The following EFCAB5 variants were observed in gnomAD, a reference collection of about 807,000 sequenced individuals.
EFCAB5 encodes EF-hand calcium binding domain 5.
A neutral mutation model predicts 167.9 loss-of-function variants in EFCAB5; 131 were observed. That is an observed-to-expected ratio of 0.78 (90% CI 0.68 to 0.90). The LOEUF (loss-of-function observed/expected upper bound fraction) is 0.90. EFCAB5 is among the 40% of genes least tolerant of loss of function. The pLI, the probability that EFCAB5 is intolerant of heterozygous loss-of-function variation, is 0.00. For synonymous variants in EFCAB5, 574 were observed against 602.8 expected, an observed-to-expected ratio of 0.95 and a Z score of 0.70; for missense variants, 1,663 against 1,745.2, an observed-to-expected ratio of 0.95 and a Z score of 0.84.
chr17:30,007,516 A>T (rs1567710460), intron 7 of EFCAB5, among the ~76,000 whole-genome samples: 1 of 152,228 alleles, frequency 6.6e-6, no homozygotes, highest in Non-Finnish European at 1.5e-5. Context: ...TATTGTAAAA[A>T]TGAACCCCTC....
At chr17:29,938,565 T>G (rs2067264377), upstream of EFCAB5, among the ~76,000 whole-genome samples, 3 of 152,246 alleles carry the variant, frequency 2.0e-5, no homozygotes, top group South Asian at 6.2e-4. Context: ...TCTTTCAAAA[T>G]TAGTCAGTCC....
In EFCAB5 at chr17:30,053,808, A is replaced by G; in HGVS notation, c.1854A>G (p.Arg618=). The part of the protein sequence containing the change: ...SRRESIAEQD[R]HKGSVAEQGS... ...GAGAGTCTATTGCAGAACAAGATCGACACAAAGGGTCAGTAGCAGAACAAG... is the reference window on the plus strand; with the variant it reads ...GAGAGTCTATTGCAGAACAAGATCGGCACAAAGGGTCAGTAGCAGAACAAG... The change falls in exon 10 of 23, where the codon CGA becomes CGG. Residue 618 remains arginine (R), a synonymous_variant. Transcript: ENST00000394835. The G allele has an allele frequency of 1.2e-6, 2 of 1,613,988 alleles. No homozygotes were observed. Among genetic ancestry groups the G allele is most frequent in the Non-Finnish European group, 1.7e-6 (2 of 1,179,872 alleles).
Position 30,086,077 on chromosome 17 carries a change from C to T in EFCAB5, c.3580-986C>T, listed in dbSNP as rs1201427463. ...GTGACATGATCAGAGCTCACAGTAA[C>T]CTTGAACTCCGAGACTCAAGCGATC... On this transcript the variant is annotated intron_variant, in intron 18 of 22. Coordinates refer to ENST00000394835, the MANE Select transcript of EFCAB5 (RefSeq NM_198529.4). Among the ~76,000 whole-genome samples, 3 of 152,100 alleles carry T rather than the reference C, an allele frequency of 2.0e-5. No individual in the cohort carries two copies. The East Asian group carries it at 5.8e-4, about 29-fold the overall frequency.
At chr17:30,067,963 A>G (rs900743645) in intron 14 of EFCAB5, among the ~76,000 whole-genome samples, 1 of 152,238 alleles carries the variant, frequency 6.6e-6, no homozygotes, top group Non-Finnish European at 1.5e-5. Context: ...AAAAATTATT[A>G]AAACGGATAA....
intron 14 of EFCAB5, among the ~76,000 whole-genome samples, chr17:30,072,133 CT>C (rs942157931): frequency 1.3e-5 from 2 of 152,038 alleles, no homozygotes; most frequent in Non-Finnish European, 2.9e-5. Context: ...TTTCAAATAG[CT>C]AAAAGAGCAG....
chr17:29,971,537 G>A (rs1345943147), intron 4 of EFCAB5, among the ~76,000 whole-genome samples: 1 of 152,100 alleles, frequency 6.6e-6, no homozygotes, highest in African/African-American at 2.4e-5. Context: ...ATCTCAATGG[G>A]AAAATGTACC....
intron 22 of EFCAB5, among the ~76,000 whole-genome samples, chr17:30,096,524 G>C (rs2071289206): frequency 6.6e-6 from 1 of 151,624 alleles, no homozygotes; most frequent in African/African-American, 2.4e-5. Context: ...CTGCACTCCA[G>C]CCTGGGCAAC....
chr17:29,976,789 C>A (rs2068071764), intron 4 of EFCAB5, among the ~76,000 whole-genome samples: 1 of 152,060 alleles, frequency 6.6e-6, no homozygotes, highest in Non-Finnish European at 1.5e-5. Flanking sequence ...CAGCTTGATC[C>A]AAAAAGCTTT....
Position 30,034,211 on chromosome 17 carries a change from T to TC in EFCAB5, c.1045-18dup. The TC allele has an allele frequency of 6.2e-7, 1 of 1,611,338 alleles. No individual in the cohort carries two copies. The highest frequency in any genetic ancestry group is 2.2e-5 in the East Asian group (1 of 44,798). On this transcript the variant is annotated intron_variant, in intron 7 of 22. Transcript: ENST00000394835. ...ATGGTTTTAAGTCAATCGTTTATCC[T>TC]CTTTTTTTTCCCCTGTAGTACATCT...
chr17:30,022,442 C>T (rs2069202751), intron 7 of EFCAB5, among the ~76,000 whole-genome samples: 1 of 152,076 alleles, frequency 6.6e-6, no homozygotes. Flanking sequence ...CACAAACACA[C>T]ACATATAATT....
intron 1 of EFCAB5, among the ~76,000 whole-genome samples, chr17:29,934,676 C>T (rs918118367): frequency 7.9e-5 from 12 of 152,118 alleles, no homozygotes; most frequent in African/African-American, 2.9e-4. Context: ...GTGTGTACTA[C>T]AATTGTCTTG....
At chr17:29,951,452 C>T (rs1597570321) in intron 3 of EFCAB5, among the ~76,000 whole-genome samples, 1 of 152,130 alleles carries the variant, frequency 6.6e-6, no homozygotes, top group South Asian at 2.1e-4. Flanking sequence ...ATTCTCCTGC[C>T]TCAGCCTCCC....
chr17:30,000,176 A>G (rs2068632444), intron 7 of EFCAB5, among the ~76,000 whole-genome samples, 200 bp downstream of exon 7: 1 of 152,186 alleles, frequency 6.6e-6, no homozygotes, highest in South Asian at 2.1e-4. Context: ...GCATGATGTG[A>G]GAGTATAAAA....
intron 8 of EFCAB5, among the ~76,000 whole-genome samples, chr17:30,041,066 G>A (rs2069757060): frequency 6.6e-6 from 1 of 152,196 alleles, no homozygotes; most frequent in Non-Finnish European, 1.5e-5. Flanking sequence ...ACCCAAATGT[G>A]TAAGGGATAA....
At chr17:30,070,941 T>C (rs1243659710) in intron 14 of EFCAB5, among the ~76,000 whole-genome samples, 2 of 96,038 alleles carry the variant, frequency 2.1e-5, no homozygotes, top group East Asian at 2.6e-4. Flanking sequence ...CAGAGCGAGA[T>C]TCCATCTCAA....
intron 7 of EFCAB5, among the ~76,000 whole-genome samples, chr17:30,004,724 G>A (rs974472017): frequency 1.6e-4 from 24 of 149,664 alleles, no homozygotes; most frequent in African/African-American, 4.2e-4. Context: ...AGGTTCAAGC[G>A]ATTCTCCTGC....
At chr17:30,094,094 T>C (rs575656369) in intron 22 of EFCAB5, among the ~76,000 whole-genome samples, 1 of 152,310 alleles carries the variant, frequency 6.6e-6, no homozygotes, top group South Asian at 2.1e-4. Flanking sequence ...ACTGCTGGAC[T>C]ATATAGCATA....
intron 6 of EFCAB5, among the ~76,000 whole-genome samples, chr17:29,996,816 AT>A (rs1277325540): frequency 6.6e-6 from 1 of 152,192 alleles, no homozygotes; most frequent in African/African-American, 2.4e-5. Flanking sequence ...CCAGTCTTAT[AT>A]CCTACACCTT....
At chr17:30,002,596 C>A (rs2068685710) in intron 7 of EFCAB5, among the ~76,000 whole-genome samples, 1 of 152,198 alleles carries the variant, frequency 6.6e-6, no homozygotes, top group African/African-American at 2.4e-5. Context: ...TGTTAAACAT[C>A]ATTTAGAAAA....
Sources: gnomAD v4.1 joint callset for allele counts (sites outside exome capture counted in the v4.1 genomes callset) on GRCh38, gnomAD v4.1.1 for gene constraint, MANE v1.5 for transcripts, NCBI Gene and HGNC (gene_info 2026-07-23, HGNC 2026-07-21) for gene names.